The following NISCH variants were observed in gnomAD, a reference collection of about 807,000 sequenced individuals.
The protein encoded by NISCH is I-1 receptor candidate protein.
Under a neutral mutation model 138.4 loss-of-function variants are expected in NISCH, and 55 were observed. The observed-to-expected ratio is 0.40, with a 90% CI of 0.32 to 0.50. NISCH has a LOEUF of 0.50. Ranked by LOEUF, NISCH falls within the 20% of genes least tolerant of loss-of-function variation. NISCH has a pLI of 0.71. For missense variants in NISCH, 1,643 were observed against 2,005.5 expected (o/e 0.82, Z 3.45); for synonymous variants, 860 against 861.5 (o/e 1.00, Z 0.03).
Position 52,492,291 on chromosome 3 carries a change from C to G in NISCH, c.4324C>G (p.Leu1442Val). 6.2e-7 allele frequency: 1 copy of G among 1,613,426 alleles called. No individual in the cohort carries two copies. The highest frequency in any genetic ancestry group is 8.5e-7 in the Non-Finnish European group (1 of 1,180,038). Reference sequence around the variant, plus strand: ...CTTCGATGACGTGCAAGGTCATGACCTCATGGGCAGTGTCACCCTGGACCA... The same window carrying G: ...CTTCGATGACGTGCAAGGTCATGACGTCATGGGCAGTGTCACCCTGGACCA... ...LVFDDVQGHD[L>V]MGSVTLDHFG... is the part of the protein sequence containing the mutation. Residue 1442 changes from leucine (L) to valine (V), a missense_variant, in exon 21 of 21, where the codon CTC (leucine) becomes GTC (valine). Transcript: ENST00000345716.
At chr3:52,477,702 T>TGGCCCTGCG (rs1243901188) in intron 9 of NISCH, 60 bp downstream of exon 9, 12 of 1,417,186 alleles carry the variant, frequency 8.5e-6, no homozygotes, top group Admixed American at 1.7e-5. Context: ...CCCTGAGATT[T>TGGCCCTGCG]CAGGAGACTG....
At position 52,491,334 on chromosome 3, in the gene NISCH, C is replaced by G. The variant is rs878894154; in HGVS notation, c.3743-18C>G. ...GGGAGCGCCGGCCTGTGGCCCTGAC[C>G]AGCCCCTTCTCGTGCAGGTTCCACC... On this transcript the variant is annotated intron_variant, in intron 19 of 20. Coordinates refer to ENST00000345716, the MANE Select transcript of NISCH (RefSeq NM_007184.4). The G allele has an allele frequency of 6.2e-7, 1 of 1,604,330 alleles. No individual in the cohort carries two copies.
chr3:52,488,499 G>T lies in NISCH; in HGVS notation c.3007G>T (p.Ala1003Ser), dbSNP rs1387354879. 1 of 1,613,254 alleles carries T rather than the reference G, an allele frequency of 6.2e-7. No individual in the cohort carries two copies. The highest frequency in any genetic ancestry group is 8.5e-7 in the Non-Finnish European group (1 of 1,180,004). ...HFLRVYNQLR[A>S]SLQDLKTVVI... ...CCTGCGCGTCTACAACCAGCTGCGG[G>T]CCTCGCTGCAGGACCTGAAGACTGT... is the stretch of plus-strand genomic sequence containing the variant. Residue 1003 changes from alanine (A) to serine (S), a missense_variant, in exon 16 of 21, where the codon GCC becomes TCC. Coordinates refer to ENST00000345716, the MANE Select transcript of NISCH (RefSeq NM_007184.4).
intron 3 of NISCH, among the ~76,000 whole-genome samples, chr3:52,463,446 T>A (rs930968337): frequency 1.3e-5 from 2 of 152,234 alleles, no homozygotes; most frequent in Admixed American, 1.3e-4. Flanking sequence ...AACTTATGTT[T>A]TCATTTTTGT....
intron 3 of NISCH, among the ~76,000 whole-genome samples, chr3:52,461,601 C>T (rs933830859): frequency 3.3e-5 from 5 of 152,140 alleles, no homozygotes; most frequent in Admixed American, 1.3e-4. Context: ...CAGTGGCTCA[C>T]GCCTGTAATC....
At chr3:52,480,335 GCCCTGCCTGGGCC>G in intron 13 of NISCH, 40 bp downstream of exon 13, 1 of 1,611,134 alleles carries the variant, frequency 6.2e-7, no homozygotes, top group African/African-American at 1.3e-5. Flanking sequence ...GAGCCACACA[GCCCTGCCTGGGCC>G]CCCTGGCTGG....
chr3:52,480,699 T>C, intron 13 of NISCH: 2 of 1,420,542 alleles, frequency 1.4e-6, no homozygotes, highest in Non-Finnish European at 1.8e-6. Context: ...CCCGAATCCC[T>C]GTGCAGGGAA....
At chr3:52,481,482 G>A in intron 13 of NISCH, 1 of 985,592 alleles carries the variant, frequency 1.0e-6, no homozygotes, top group South Asian at 4.7e-5. Context: ...AAAAGCCAGG[G>A]AGGTTATATC....
chr3:52,465,754 C>G (rs550269127), intron 3 of NISCH, among the ~76,000 whole-genome samples: 1 of 152,176 alleles, frequency 6.6e-6, no homozygotes, highest in African/African-American at 2.4e-5. Flanking sequence ...CCCCTACTTC[C>G]CAACGGTTTA....
At position 52,487,895 on chromosome 3, in the gene NISCH, C is replaced by T. The variant is rs371303104; in HGVS notation, c.2403C>T (p.His801=). ...LFIISDAANL[H]EFHADLRSCF... ...TTATCTCGGACGCCGCCAACCTGCA[C>T]GAGTTCCACGCGGACCTGCGCTCAT... Residue 801 remains histidine, a synonymous_variant, in exon 16 of 21, where the codon CAC becomes CAT. Transcript: ENST00000345716. The surrounding 1 kb of genome is among the most constrained non-coding windows in gnomAD (Gnocchi z 9.1). 1.9e-5 allele frequency: 30 copies of T among 1,611,952 alleles called. No individual in the cohort carries two copies. The highest frequency in any genetic ancestry group is 2.4e-5 in the Non-Finnish European group (28 of 1,179,938).
At position 52,487,548 on chromosome 3, in the gene NISCH, G is replaced by C; in HGVS notation, c.2056G>C (p.Glu686Gln). Residue 686 changes from glutamate to glutamine, a missense_variant, in exon 16 of 21, where the codon GAG becomes CAG. Transcript: ENST00000345716. This position sits in a 1 kb window ranked among gnomAD's most constrained non-coding sequence, Gnocchi z 9.1. ...EEEEDEEAEE[E>Q]RLALEWALGA... is the part of the protein sequence containing the mutation. ...AGAGGAGGATGAAGAGGCCGAGGAG[G>C]AGCGCCTGGCTCTGGAATGGGCCCT... The C allele has an allele frequency of 6.2e-7, 1 of 1,610,160 alleles. No homozygotes were observed. The highest frequency in any genetic ancestry group is 8.5e-7 in the Non-Finnish European group (1 of 1,177,006).
At chr3:52,474,651 C>T (rs557063300) in intron 7 of NISCH, among the ~76,000 whole-genome samples, 97 of 152,200 alleles carry the variant, frequency 6.4e-4, no homozygotes, top group African/African-American at 2.2e-3. Context: ...AGGCTGATCT[C>T]GAACTCCTGA....
intron 3 of NISCH, among the ~76,000 whole-genome samples, chr3:52,463,880 C>G (rs1438778215): frequency 6.6e-6 from 1 of 151,232 alleles, no homozygotes; most frequent in Non-Finnish European, 1.5e-5. Flanking sequence ...TGCACCACCA[C>G]GCCTGGCTAA....
intron 13 of NISCH, chr3:52,481,030 A>G: frequency 1.4e-6 from 2 of 1,383,498 alleles, no homozygotes; most frequent in Non-Finnish European, 9.3e-7. Context: ...CTGGAGACGC[A>G]GAACTTGGTG....
Position 52,492,412 on chromosome 3 carries a change from T to C in NISCH, c.4445T>C (p.Leu1482Pro). The C allele has an allele frequency of 6.2e-7, 1 of 1,612,846 alleles. No homozygotes were observed. Among genetic ancestry groups the C allele is most frequent in the Non-Finnish European group, 8.5e-7 (1 of 1,179,966 alleles). The part of the protein sequence containing the change: ...FVPSAESREK[L>P]ISLLARQWEA... ...CCCAGTGCTGAGAGCAGAGAGAAGC[T>C]CATCTCGCTGTTGGCTCGCCAGTGG... The change falls in exon 21 of 21, where the codon CTC becomes CCC. Residue 1482 changes from leucine to proline, a missense_variant. Leu to Pro is a moderately conservative substitution (Grantham distance 98). Coordinates refer to ENST00000345716, the MANE Select transcript of NISCH (RefSeq NM_007184.4).
Position 52,478,506 on chromosome 3 carries a change from A to C in NISCH, c.1231A>C (p.Asn411His). The change falls in exon 11 of 21, where the codon AAC becomes CAC. Residue 411 changes from asparagine to histidine, a missense_variant. Coordinates refer to ENST00000345716, the MANE Select transcript of NISCH (RefSeq NM_007184.4). ...LPCLEHVSLL[N>H]NPLSIIPDYR... ...GTGTCTGGAGCACGTGTCTCTGCTGAACAACCCTCTGAGCATCATCCCCGA... is the reference window on the plus strand; with the variant it reads ...GTGTCTGGAGCACGTGTCTCTGCTGCACAACCCTCTGAGCATCATCCCCGA... 3.7e-6 allele frequency: 6 copies of C among 1,614,180 alleles called. No homozygotes were observed. Among genetic ancestry groups the C allele is most frequent in the Non-Finnish European group, 5.1e-6 (6 of 1,180,032 alleles).
At position 52,488,266 on chromosome 3, in the gene NISCH, A is replaced by G; in HGVS notation, c.2774A>G (p.Asn925Ser). 6.2e-7 allele frequency: 1 copy of G among 1,610,432 alleles called. No homozygotes were observed. Among genetic ancestry groups the G allele is most frequent in the Non-Finnish European group, 8.5e-7 (1 of 1,179,950 alleles). The change falls in exon 16 of 21, where the codon AAC becomes AGC. Residue 925 changes from asparagine to serine, a missense_variant. Physicochemically the swap from Asn to Ser is conservative, Grantham distance 46. Transcript: ENST00000345716. ...CTCAACGTCATCAAGGCCGACTTCAACCCCATGCCCAACCGTGGCACCCAC... is the reference window on the plus strand; with the variant it reads ...CTCAACGTCATCAAGGCCGACTTCAGCCCCATGCCCAACCGTGGCACCCAC... The part of the protein sequence containing the change: ...QHLNVIKADF[N>S]PMPNRGTHNC...
intron 13 of NISCH, chr3:52,481,792 C>G (rs1707282708): frequency 1.0e-6 from 1 of 985,444 alleles, no homozygotes; most frequent in Admixed American, 6.1e-5. Flanking sequence ...CCTCCTCACT[C>G]CCCTTGTGCC....
chr3:52,458,602 G>T (rs1706543064), intron 2 of NISCH, 60 bp from the exon 3 acceptor site: 2 of 1,451,610 alleles, frequency 1.4e-6, no homozygotes, highest in Admixed American at 4.2e-5. Flanking sequence ...TTCTTGCCTT[G>T]GTCTTACATA....
Sources: allele counts gnomAD v4.1 joint callset (sites outside exome capture counted in the v4.1 genomes callset), GRCh38; gene constraint gnomAD v4.1.1; non-coding constraint Gnocchi (gnomAD v3.1); transcripts MANE v1.5; gene names NCBI Gene and HGNC (gene_info 2026-07-23, HGNC 2026-07-21).